The following PLCL2 variants were observed in gnomAD, a reference collection of about 807,000 sequenced individuals.
PLCL2 encodes phospholipase C like 2, also known as inactive phospholipase C-like protein 2.
PLCL2 carries 4 observed loss-of-function variants against 79.6 expected under a neutral mutation model. The ratio of observed to expected loss-of-function variants is 0.05; its 90% CI spans 0.02 to 0.11. PLCL2 has a LOEUF of 0.11. Among genes scored for constraint, PLCL2 ranks in the 10% least tolerant of loss-of-function variants. The pLI, the probability that PLCL2 is intolerant of heterozygous loss-of-function variation, is 1.00. For synonymous variants in PLCL2, 484 were observed against 457.7 expected (o/e 1.06, Z -0.73); for missense variants, 895 against 1,291.0 (o/e 0.69, Z 4.70).
intron 1 of PLCL2, among the ~76,000 whole-genome samples, chr3:16,899,056 A>G (rs960787370): frequency 4.6e-5 from 7 of 152,214 alleles, no homozygotes; most frequent in African/African-American, 1.7e-4. Flanking sequence ...TGGTAGAGAG[A>G]AGAATGGAGG....
rs189101429 is a variant in PLCL2, at chr3:16,926,945, C to G, written c.327+41579C>G. 5.4e-3 allele frequency among the ~76,000 whole-genome samples: 824 copies of G among 151,864 alleles called. 9 individuals carry two copies. The highest frequency in any genetic ancestry group is 0.019 in the African/African-American group (789 of 41,406). On this transcript the variant is annotated intron_variant, in intron 1 of 5. Coordinates refer to ENST00000615277, the MANE Select transcript of PLCL2 (RefSeq NM_001144382.2). ...CGCCCGGCCACATTTTTTTTTAAGG[C>G]TAAGGAAGAACGGGAAGTGGGTGGC...
chr3:17,014,333 G>C (rs2064359576), intron 2 of PLCL2, among the ~76,000 whole-genome samples: 1 of 151,160 alleles, frequency 6.6e-6, no homozygotes, highest in African/African-American at 2.5e-5. Context: ...AATCTGATTT[G>C]ATTTTTTTTT....
chr3:16,929,147 T>C (rs1697333295), intron 1 of PLCL2, among the ~76,000 whole-genome samples: 1 of 136 alleles, frequency 7.4e-3, no homozygotes, highest in Non-Finnish European at 0.014. Context: ...ATGATGATAC[T>C]AAGCACAGGA....
intron 1 of PLCL2, among the ~76,000 whole-genome samples, chr3:16,974,448 C>G (rs1575563940): frequency 6.6e-6 from 1 of 151,942 alleles, no homozygotes; most frequent in East Asian, 1.9e-4. Flanking sequence ...GTGGGTTGGT[C>G]AAAAATGTGC....
chr3:16,994,769 T>G (rs1218537879), intron 1 of PLCL2, among the ~76,000 whole-genome samples: 5 of 152,184 alleles, frequency 3.3e-5, no homozygotes, highest in Admixed American at 3.3e-4. Context: ...ACATCCCCCT[T>G]CTACCACCGT....
intron 1 of PLCL2, among the ~76,000 whole-genome samples, chr3:16,900,336 A>G (rs1160172477): frequency 1.3e-5 from 2 of 152,262 alleles, no homozygotes; most frequent in Admixed American, 6.5e-5. Flanking sequence ...ATTTTAACTG[A>G]TAAAATTACA....
chr3:16,947,204 C>T (rs2063611243), intron 1 of PLCL2, among the ~76,000 whole-genome samples: 1 of 152,036 alleles, frequency 6.6e-6, no homozygotes, highest in African/African-American at 2.4e-5. Flanking sequence ...CCTACCACAG[C>T]CTCCCAAAGT....
chr3:16,885,222 C>T lies in PLCL2; in HGVS notation c.183C>T (p.Leu61=), dbSNP rs1261612888. The stretch of plus-strand genomic sequence containing the variant: ...GGGTTTCCAACGGAGACTGCAGCCT[C>T]GGCGTGTCCGGGGACGAAGCCCGGG... The part of the protein sequence containing the change: ...SGGVSNGDCS[L]GVSGDEARAS... Residue 61 remains leucine (L), a synonymous_variant, in exon 1 of 6, where the codon CTC becomes CTT. Coordinates refer to ENST00000615277, the MANE Select transcript of PLCL2 (RefSeq NM_001144382.2). The T allele has an allele frequency of 2.7e-5, 18 of 661,004 alleles. No homozygotes were observed. The highest frequency in any genetic ancestry group is 1.7e-4 in the African/African-American group (9 of 53,998). 40.9% of individuals were successfully genotyped at this position (661,004 alleles called of 1,614,324 possible).
intron 1 of PLCL2, among the ~76,000 whole-genome samples, chr3:16,938,654 A>G (rs893743867): frequency 6.6e-6 from 1 of 152,252 alleles, no homozygotes; most frequent in Non-Finnish European, 1.5e-5. Context: ...CTTGAGAAGC[A>G]GTATGATAGG....
At chr3:16,983,324 T>A (rs1009347436) in intron 1 of PLCL2, among the ~76,000 whole-genome samples, 3 of 152,194 alleles carry the variant, frequency 2.0e-5, no homozygotes, top group Non-Finnish European at 2.9e-5. Context: ...GTGACTCTTG[T>A]GGGAATAAAG....
chr3:16,957,187 C>T (rs2063714018), intron 1 of PLCL2, among the ~76,000 whole-genome samples: 1 of 152,024 alleles, frequency 6.6e-6, no homozygotes, highest in African/African-American at 2.4e-5. Context: ...TTTCCCTCTA[C>T]ACACTGCTTT....
intron 1 of PLCL2, among the ~76,000 whole-genome samples, chr3:16,890,447 C>G (rs1358490065): frequency 6.6e-6 from 1 of 152,086 alleles, no homozygotes; most frequent in Non-Finnish European, 1.5e-5. Context: ...TTTTTTTATG[C>G]TTAAGTTACC....
rs1020020644 is a variant in PLCL2 at position 17,009,294 on chromosome 3, T to A, written c.328-380T>A. On this transcript the variant is annotated intron_variant, in intron 1 of 5. Coordinates refer to ENST00000615277, the MANE Select transcript of PLCL2 (RefSeq NM_001144382.2). This position sits in a 1 kb window ranked among gnomAD's most constrained non-coding sequence, Gnocchi z 4.0. ...AGCCACCATGCCCGGCCAAAAAAAA[T>A]TTTTTTTTGTAGAGATGGGATCTCA... is the stretch of plus-strand genomic sequence containing the variant. 5.3e-5 allele frequency among the ~76,000 whole-genome samples: 8 copies of A among 151,716 alleles called. No homozygotes were observed. Among genetic ancestry groups the A allele is most frequent in the Non-Finnish European group, 1.0e-4 (7 of 67,866 alleles).
At chr3:17,049,959 C>T (rs960152494) in intron 4 of PLCL2, among the ~76,000 whole-genome samples, 2 of 152,004 alleles carry the variant, frequency 1.3e-5, no homozygotes, top group African/African-American at 2.4e-5. Flanking sequence ...TAATCAAAAT[C>T]GCATGATAAT....
intron 1 of PLCL2, among the ~76,000 whole-genome samples, chr3:17,005,178 G>A (rs2064249174): frequency 6.6e-6 from 1 of 152,152 alleles, no homozygotes; most frequent in Non-Finnish European, 1.5e-5. Context: ...AGTCTTTCAA[G>A]TCTTTCAAAT....
At chr3:16,974,156 T>C (rs901376354) in intron 1 of PLCL2, among the ~76,000 whole-genome samples, 2 of 151,562 alleles carry the variant, frequency 1.3e-5, no homozygotes, top group Admixed American at 6.6e-5. Flanking sequence ...ACTTGGGAGG[T>C]AGGGGCCAGT....
chr3:17,040,424 C>G (rs1375944826), intron 3 of PLCL2, among the ~76,000 whole-genome samples: 1 of 152,186 alleles, frequency 6.6e-6, no homozygotes, highest in Non-Finnish European at 1.5e-5. Context: ...TTTCTCTGAG[C>G]TTCATCACAC....
At chr3:16,949,069 T>TA (rs761843382) in intron 1 of PLCL2, among the ~76,000 whole-genome samples, 1 of 152,238 alleles carries the variant, frequency 6.6e-6, no homozygotes, top group Non-Finnish European at 1.5e-5. Context: ...CATAATTTTT[T>TA]AACCATTCCC....
rs1023384541 is a variant in PLCL2, at chr3:17,035,978, C to G, written c.3019-6896C>G. Among the ~76,000 whole-genome samples, 4 of 152,000 alleles carry G rather than the reference C, an allele frequency of 2.6e-5. No homozygotes were observed. The East Asian group carries it at 7.7e-4, about 29-fold the overall frequency. The stretch of plus-strand genomic sequence containing the variant: ...TTCTTTTATATAGGGTTTTTTCCCC[C>G]CTATAATTTGCGTAGTGGAAGATGT... On this transcript the variant is annotated intron_variant, in intron 3 of 5. Transcript: ENST00000615277.
Sources: allele counts gnomAD v4.1 joint callset (sites outside exome capture counted in the v4.1 genomes callset), GRCh38; gene constraint gnomAD v4.1.1; non-coding constraint Gnocchi (gnomAD v3.1); transcripts MANE v1.5; gene names NCBI Gene and HGNC (gene_info 2026-07-23, HGNC 2026-07-21).